The following QSOX2 variants were observed in gnomAD, a reference collection of about 807,000 sequenced individuals.
The protein encoded by QSOX2 is quiescin sulfhydryl oxidase 2, also known as sulfhydryl oxidase 2.
QSOX2 carries 46 observed loss-of-function variants against 61.7 expected under a neutral mutation model. The observed-to-expected ratio is 0.75, with a 90% confidence interval of 0.59 to 0.95. The LOEUF (loss-of-function observed/expected upper bound fraction) is 0.95, where lower values mean the gene tolerates loss of function less well. QSOX2 is among the 40% of genes least tolerant of loss of function. QSOX2 has a pLI of 0.00. For synonymous variants in QSOX2, 383 were observed against 388.4 expected (o/e 0.99, Z 0.16); for missense variants, 879 against 918.9 (o/e 0.96, Z 0.56).
intron 11 of QSOX2, chr9:136,211,003 A>T: frequency 1.5e-6 from 1 of 679,662 alleles, no homozygotes; most frequent in Non-Finnish European, 1.8e-6. Context: ...GGGGGAAGAA[A>T]GAGCCACACC....
At position 136,211,481 on chromosome 9, in the gene QSOX2, G is replaced by C. The variant is rs750676526; in HGVS notation, c.1361-29C>G. On this transcript the variant is annotated intron_variant, in intron 10 of 11. Transcript: ENST00000358701. ...CAGGGGAAGAAACACTGCTGACAACGGCAGGTGCGTGGGCATCACCTGACC... is the reference window on the plus strand; with the variant it reads ...CAGGGGAAGAAACACTGCTGACAACCGCAGGTGCGTGGGCATCACCTGACC... The C allele has an allele frequency of 5.0e-6, 8 of 1,607,372 alleles. No homozygotes were observed. In the East Asian group the frequency reaches 1.6e-4, roughly 31 times the overall value.
chr9:136,216,093 C>G (rs1831909439), intron 9 of QSOX2, among the ~76,000 whole-genome samples: 1 of 152,216 alleles, frequency 6.6e-6, no homozygotes, highest in Non-Finnish European at 1.5e-5. Flanking sequence ...AAGCAGCACG[C>G]TGGGTTTACT....
chr9:136,208,896 C>T lies in QSOX2; in HGVS notation c.1929G>A (p.Lys643=). Residue 643 remains lysine (K), a synonymous_variant, in exon 12 of 12, where the codon AAG becomes AAA. Coordinates refer to ENST00000358701, the MANE Select transcript of QSOX2 (RefSeq NM_181701.4). ...LQSLDGPGAH[K]EVGGAAPFLG... is the part of the protein sequence containing the mutation. ...GGAAGGGTGCGGCCCCGCCCACCTC[C>T]TTGTGGGCCCCGGGCCCATCCAGAC... 1 of 1,614,024 alleles carries T rather than the reference C, an allele frequency of 6.2e-7. No individual in the cohort carries two copies. The highest frequency in any genetic ancestry group is 1.7e-4 in the Middle Eastern group (1 of 6,060).
intron 9 of QSOX2, 97 bp from the exon 10 acceptor site, chr9:136,215,401 T>A: frequency 4.1e-6 from 2 of 484,214 alleles, no homozygotes; most frequent in South Asian, 1.9e-5. Flanking sequence ...GGGGGGTGGA[T>A]AATGGGGGTG....
chr9:136,217,337 G>A (rs1831926363), intron 8 of QSOX2, among the ~76,000 whole-genome samples: 1 of 152,196 alleles, frequency 6.6e-6, no homozygotes, highest in African/African-American at 2.4e-5. Context: ...CAAAACATAG[G>A]CTGCCGAAAG....
chr9:136,236,254 T>C (rs986989201), intron 1 of QSOX2, among the ~76,000 whole-genome samples: 1 of 152,222 alleles, frequency 6.6e-6, no homozygotes, highest in African/African-American at 2.4e-5. Flanking sequence ...GAGACAGGAC[T>C]GGCTGCTGCC....
At chr9:136,237,740 C>T (rs1343279215) in intron 1 of QSOX2, among the ~76,000 whole-genome samples, 1 of 151,692 alleles carries the variant, frequency 6.6e-6, no homozygotes, top group East Asian at 1.9e-4. Flanking sequence ...GGAGCCCGTC[C>T]TGTGCCACAC....
intron 10 of QSOX2, among the ~76,000 whole-genome samples, chr9:136,213,251 T>G (rs915712541): frequency 2.0e-5 from 3 of 147,540 alleles, no homozygotes; most frequent in Non-Finnish European, 4.5e-5. Flanking sequence ...GTGTTTTTTT[T>G]TTTTTTTTTT....
At position 136,209,340 on chromosome 9, in the gene QSOX2, C is replaced by A. The variant is rs372111319; in HGVS notation, c.1550-65G>T. Reference sequence around the variant, plus strand: ...GCTTTGTGCAGCCACGTGCAGCGTGCGGCAACCGGACTCCCACTCCCACCC... The same window carrying A: ...GCTTTGTGCAGCCACGTGCAGCGTGAGGCAACCGGACTCCCACTCCCACCC... On this transcript the variant is annotated intron_variant, in intron 11 of 11. Coordinates refer to ENST00000358701, the MANE Select transcript of QSOX2 (RefSeq NM_181701.4). This position sits in a 1 kb window ranked among gnomAD's most constrained non-coding sequence, Gnocchi z 5.6. 3.8e-5 allele frequency: 59 copies of A among 1,556,930 alleles called. No individual in the cohort carries two copies. In the South Asian group the frequency reaches 5.3e-4, roughly 14 times the overall value.
rs1830228053 is a variant in QSOX2, at chr9:136,222,387, G to A, written c.676-446C>T. On this transcript the variant is annotated intron_variant, in intron 5 of 11. Coordinates refer to ENST00000358701, the MANE Select transcript of QSOX2 (RefSeq NM_181701.4). This position sits in a 1 kb window ranked among gnomAD's most constrained non-coding sequence, Gnocchi z 6.9. ...CCTGCTCCTGTCTGGTTCTGCTCAGGCTGAAGGGGCAGCAACAGGGTCTCC... is the reference window on the plus strand; with the variant it reads ...CCTGCTCCTGTCTGGTTCTGCTCAGACTGAAGGGGCAGCAACAGGGTCTCC... 6.6e-6 allele frequency among the ~76,000 whole-genome samples: 1 copy of A among 152,164 alleles called. No homozygotes were observed. Among genetic ancestry groups the A allele is most frequent in the African/African-American group, 2.4e-5 (1 of 41,424 alleles).
At position 136,241,521 on chromosome 9, in the gene QSOX2, A is replaced by G. The variant is rs138838868; in HGVS notation, c.328+3955T>C. Among the ~76,000 whole-genome samples, 1,246 of 152,200 alleles carry G rather than the reference A, an allele frequency of 8.2e-3. 14 individuals carry two copies. The highest frequency in any genetic ancestry group is 0.028 in the African/African-American group (1,177 of 41,532). ...GAATGCCCTACCCTTCCTTCAAGAG[A>G]TGTCGGATGTGTCCAGCTCCCAACC... On this transcript the variant is annotated intron_variant, in intron 1 of 11. Coordinates refer to ENST00000358701, the MANE Select transcript of QSOX2 (RefSeq NM_181701.4).
chr9:136,221,337 A>AACGTGAGGGGCAGGGCCTGGTGCCC lies in QSOX2; in HGVS notation c.821+434_821+458dup. ...TCTGCAGTTCTTAGAGAAAGAGCAG[A>AACGTGAGGGGCAGGGCCTGGTGCCC]ACGTGAGGGGCAGGGCCTGGTGCCC... On this transcript the variant is annotated intron_variant, in intron 6 of 11. Transcript: ENST00000358701. The surrounding 1 kb of genome is among the most constrained non-coding windows in gnomAD (Gnocchi z 4.5). Among the ~76,000 whole-genome samples, 1 of 152,210 alleles carries AACGTGAGGGGCAGGGCCTGGTGCCC rather than the reference A, an allele frequency of 6.6e-6. No individual in the cohort carries two copies. Among genetic ancestry groups the AACGTGAGGGGCAGGGCCTGGTGCCC allele is most frequent in the African/African-American group, 2.4e-5 (1 of 41,454 alleles).
rs7028025 is a variant in QSOX2 at position 136,209,519 on chromosome 9, G to A, written c.1550-244C>T. On this transcript the variant is annotated intron_variant, in intron 11 of 11. Transcript: ENST00000358701. This position sits in a 1 kb window ranked among gnomAD's most constrained non-coding sequence, Gnocchi z 5.6. ...CTCTGCCGGTTCCCATAGCCTGCAAGTGAGGAGACGCTACACGCTCGGCCT... is the reference window on the plus strand; with the variant it reads ...CTCTGCCGGTTCCCATAGCCTGCAAATGAGGAGACGCTACACGCTCGGCCT... The A allele has an allele frequency of 9.1e-6, 9 of 985,250 alleles. No individual in the cohort carries two copies. The highest frequency in any genetic ancestry group is 1.1e-5 in the Non-Finnish European group (9 of 829,918). 61.0% of individuals were successfully genotyped at this position (985,250 alleles called of 1,614,324 possible).
chr9:136,218,737 T>G lies in QSOX2; in HGVS notation c.1028A>C (p.Lys343Thr). 3.7e-6 allele frequency: 6 copies of G among 1,613,706 alleles called. No individual in the cohort carries two copies. The highest frequency in any genetic ancestry group is 5.1e-6 in the Non-Finnish European group (6 of 1,180,022). Residue 343 changes from lysine (K) to threonine (T), a missense_variant, in exon 8 of 12, where the codon AAG (lysine) becomes ACG (threonine). Lys to Thr is a moderately conservative substitution (Grantham distance 78). Coordinates refer to ENST00000358701, the MANE Select transcript of QSOX2 (RefSeq NM_181701.4). ...CTTCAGCTCTGCTCCGGCCAGGGAC[T>G]TGTGGGCTGCCAGCTCCACCCGCAG... ...YLLRVELAAHKSLAGAELKTL... is the reference protein window; with the variant it reads ...YLLRVELAAHTSLAGAELKTL...
chr9:136,215,205 G>A lies in QSOX2; in HGVS notation c.1309C>T (p.His437Tyr). ...GYPCSLWKLF[H>Y]TLTVEASTHP... The stretch of plus-strand genomic sequence containing the variant: ...GTCGAGGCTTCAACAGTCAAAGTGT[G>A]GAACAGTTTCCAGAGAGAACACGGG... The change falls in exon 10 of 12, where the codon CAC (histidine) becomes TAC (tyrosine). Residue 437 changes from histidine to tyrosine, a missense_variant. By Grantham distance (83) the His-to-Tyr change is moderately conservative. Transcript: ENST00000358701. 6.2e-7 allele frequency: 1 copy of A among 1,614,090 alleles called. No homozygotes were observed. The highest frequency in any genetic ancestry group is 1.1e-5 in the South Asian group (1 of 91,088).
intron 2 of QSOX2, among the ~76,000 whole-genome samples, chr9:136,225,813 G>A (rs1830274938): frequency 6.6e-6 from 1 of 152,254 alleles, no homozygotes; most frequent in Non-Finnish European, 1.5e-5. Flanking sequence ...AGTGGATCTG[G>A]GCAATGTCCC....
In QSOX2 at chr9:136,215,706, G is replaced by C. The variant is rs143393806; in HGVS notation, c.1210-402C>G. Among the ~76,000 whole-genome samples the C allele has an allele frequency of 2.6e-5, 4 of 152,338 alleles. No individual in the cohort carries two copies. The East Asian group carries it at 7.7e-4, about 29-fold the overall frequency. ...AATAATTCTTGGCCAGAACAAACAA[G>C]GTGTGTTCACTTTGAAAAAGCAATA... On this transcript the variant is annotated intron_variant, in intron 9 of 11. Coordinates refer to ENST00000358701, the MANE Select transcript of QSOX2 (RefSeq NM_181701.4).
intron 8 of QSOX2, 59 bp from the exon 9 acceptor site, chr9:136,216,781 G>T (rs950248725): frequency 1.3e-6 from 2 of 1,597,324 alleles, no homozygotes; most frequent in Non-Finnish European, 1.7e-6. Context: ...CGCCCCCACC[G>T]CGGGGGGCAC....
At chr9:136,238,033 G>C (rs779228548) in intron 1 of QSOX2, among the ~76,000 whole-genome samples, 1 of 152,254 alleles carries the variant, frequency 6.6e-6, no homozygotes, top group Middle Eastern at 3.4e-3. Flanking sequence ...TGAGGTCGGC[G>C]AGCTCACGAG....
Sources: allele counts gnomAD v4.1 joint callset (sites outside exome capture counted in the v4.1 genomes callset), GRCh38; gene constraint gnomAD v4.1.1; non-coding constraint Gnocchi (gnomAD v3.1); transcripts MANE v1.5; gene names NCBI Gene and HGNC (gene_info 2026-07-23, HGNC 2026-07-21).